The following POLA2 variants were observed in gnomAD, a reference collection of about 807,000 sequenced individuals.
POLA2 encodes DNA polymerase alpha 2, accessory subunit, also known as DNA polymerase alpha subunit B.
POLA2 carries 47 observed loss-of-function variants against 82.8 expected under a neutral mutation model. The ratio of observed to expected loss-of-function variants is 0.57; its 90% CI spans 0.45 to 0.72. The LOEUF (loss-of-function observed/expected upper bound fraction) is 0.72. Among genes scored for constraint, POLA2 ranks in the 30% least tolerant of loss-of-function variants. The pLI is 0.00. For synonymous variants in POLA2, 287 were observed against 286.8 expected (o/e 1.00, Z -0.01); for missense variants, 634 against 728.1 (o/e 0.87, Z 1.49).
chr11:65,305,544 C>T (rs756453663), exon 9 of POLA2: 6 of 381,510 alleles, frequency 1.6e-5, no homozygotes, highest in Middle Eastern at 3.9e-4. Context: ...CACGGTGGTG[C>T]GTGCCTGTAG....
rs530759483 is a variant in POLA2 at position 65,287,991 on chromosome 11, A to G, written c.1131+151A>G. The stretch of plus-strand genomic sequence containing the variant: ...CATCTTTGGAGAGGTATATATATCT[A>G]TGGGCCTTTGCTAGATTTAAAAGCC... On this transcript the variant is annotated intron_variant, in intron 11 of 17. Transcript: ENST00000265465. The G allele has an allele frequency of 1.4e-5, 12 of 863,648 alleles. No homozygotes were observed. The African/African-American group carries it at 2.0e-4, about 15-fold the overall frequency. The allele number at this position is 863,648 out of a possible 1,614,324, so 53.5% of individuals were successfully genotyped here.
intron 5 of POLA2, among the ~76,000 whole-genome samples, 164 bp downstream of exon 5, chr11:65,276,162 T>C (rs1269629984): frequency 6.6e-6 from 1 of 152,210 alleles, no homozygotes; most frequent in Non-Finnish European, 1.5e-5. Context: ...TTCCTTGCTC[T>C]CCTTTTCTTT....
downstream of POLA2, among the ~76,000 whole-genome samples, chr11:65,301,635 T>C (rs908950747): frequency 6.6e-6 from 1 of 151,846 alleles, no homozygotes; most frequent in Admixed American, 6.6e-5. Flanking sequence ...ATCCGCACCA[T>C]GGAGAGGACT....
In POLA2 at chr11:65,266,637, T is replaced by G; in HGVS notation, c.135T>G (p.Leu45=). The part of the protein sequence containing the change: ...GQNEEGMVGE[L]IAFCTSTHKV... The stretch of plus-strand genomic sequence containing the variant: ...ATGAGGAGGGAATGGTAGGCGAGCT[T>G]ATAGCCTTCTGCACCAGCACACATA... Residue 45 remains leucine, a synonymous_variant, in exon 2 of 18, where the codon CTT becomes CTG. Transcript: ENST00000265465. The G allele has an allele frequency of 6.2e-7, 1 of 1,614,048 alleles. No individual in the cohort carries two copies. The highest frequency in any genetic ancestry group is 1.3e-5 in the African/African-American group (1 of 75,044).
chr11:65,285,020 C>T (rs1175515854), intron 10 of POLA2, among the ~76,000 whole-genome samples: 2 of 152,040 alleles, frequency 1.3e-5, no homozygotes, highest in East Asian at 1.9e-4. Flanking sequence ...TTTGGCCGGG[C>T]GTGGTGGCTC....
rs183633640 is a variant in POLA2, at chr11:65,262,380, C to T, written c.79+9C>T. 1.6e-4 allele frequency: 258 copies of T among 1,607,790 alleles called. 1 individual carries two copies. The highest frequency in any genetic ancestry group is 1.6e-3 in the Admixed American group (94 of 59,618). ...GGCTCTAATTGAGAAATGTGAGTCC[C>T]GCACCCCTCCCGCCCTGCAGCCGTG... On this transcript the variant is annotated intron_variant, in intron 1 of 17. Coordinates refer to ENST00000265465, the MANE Select transcript of POLA2 (RefSeq NM_002689.4).
At chr11:65,283,589 C>T (rs552144324) in intron 10 of POLA2, among the ~76,000 whole-genome samples, 2 of 152,144 alleles carry the variant, frequency 1.3e-5, no homozygotes, top group South Asian at 4.2e-4. Flanking sequence ...CCTGCCTCAG[C>T]CTCCTAAGTA....
Position 65,284,400 on chromosome 11 carries a change from T to G in POLA2, c.1006+1879T>G, listed in dbSNP as rs1355458354. ...GCGAGGCTGAAGTAGGAGGATTGCT[T>G]GAGCCCAGGAAGTCAAGGCTGCAGT... is the stretch of plus-strand genomic sequence containing the variant. On this transcript the variant is annotated intron_variant, in intron 10 of 17. Transcript: ENST00000265465. Among the ~76,000 whole-genome samples, 9 of 152,278 alleles carry G rather than the reference T, an allele frequency of 5.9e-5. No homozygotes were observed. In the East Asian group the frequency reaches 1.5e-3, roughly 26 times the overall value.
chr11:65,302,009 G>C (rs1404593375), downstream of POLA2, among the ~76,000 whole-genome samples: 11 of 152,292 alleles, frequency 7.2e-5, no homozygotes, highest in African/African-American at 2.6e-4. Flanking sequence ...GGGGCTCTAG[G>C]CTCCTCCCCA....
rs1402764043 is a variant in POLA2, at chr11:65,289,086, G to A, written c.1168G>A (p.Glu390Lys). 1 of 1,610,416 alleles carries A rather than the reference G, an allele frequency of 6.2e-7. No homozygotes were observed. Residue 390 changes from glutamate (E) to lysine (K), a missense_variant and splice_region_variant, in exon 12 of 18, where the codon GAG becomes AAG. Physicochemically the swap from Glu to Lys is moderately conservative, Grantham distance 56. Transcript: ENST00000265465. ...CCTGGATGCTAAGCATGAACAGGTG[G>A]AGGTGAGTGGGCTGGGGTGGGAAGG... ...PFLDAKHEQV[E>K]NCLLTSPFED... is the part of the protein sequence containing the mutation.
downstream of POLA2, chr11:65,298,736 A>G (rs1949839785): frequency 6.6e-6 from 1 of 152,264 alleles, no homozygotes. Flanking sequence ...TCTGAGGCCA[A>G]GAATTAGAAA....
In POLA2 at chr11:65,295,908, A is replaced by G. The variant is rs1232108979; in HGVS notation, c.1565A>G (p.Tyr522Cys). The part of the protein sequence containing the change: ...YPPQEDMAID[Y>C]ESFYVYAQLP... ...CCCCAAGAAGACATGGCCATTGACT[A>G]TGAGTCGTTCTATGTTTACGCACAG... The change falls in exon 17 of 18, where the codon TAT (tyrosine) becomes TGT (cysteine). Residue 522 changes from tyrosine to cysteine, a missense_variant. Tyr to Cys is a radical substitution (Grantham distance 194, BLOSUM62 -2). Coordinates refer to ENST00000265465, the MANE Select transcript of POLA2 (RefSeq NM_002689.4). 2 of 1,613,918 alleles carry G rather than the reference A, an allele frequency of 1.2e-6. No individual in the cohort carries two copies. The highest frequency in any genetic ancestry group is 1.3e-5 in the African/African-American group (1 of 74,904).
At chr11:65,272,274 A>C (rs1313942379) in intron 4 of POLA2, among the ~76,000 whole-genome samples, 23 of 152,200 alleles carry the variant, frequency 1.5e-4, no homozygotes, top group African/African-American at 4.8e-5. Flanking sequence ...ATGCCATTGC[A>C]CTTCAGCCTG....
intron 4 of POLA2, among the ~76,000 whole-genome samples, chr11:65,275,253 AT>A (rs1949564450): frequency 6.6e-6 from 1 of 150,438 alleles, no homozygotes; most frequent in South Asian, 2.1e-4. Flanking sequence ...CCAGGCAAGG[AT>A]TTTGTTTTCT....
intron 8 of POLA2, among the ~76,000 whole-genome samples, chr11:65,304,140 A>G (rs575446267): frequency 1.8e-4 from 28 of 152,196 alleles, no homozygotes; most frequent in African/African-American, 6.3e-4. Context: ...TCTTCTTGCT[A>G]TCCCCGGCAT....
chr11:65,262,988 A>G (rs1261140384), intron 1 of POLA2, among the ~76,000 whole-genome samples: 1 of 152,142 alleles, frequency 6.6e-6, no homozygotes, highest in Non-Finnish European at 1.5e-5. Flanking sequence ...GTGCTGCATC[A>G]TACGGGTCCA....
chr11:65,280,979 C>T lies in POLA2; in HGVS notation c.745-13C>T, dbSNP rs749875778. 1.9e-6 allele frequency: 3 copies of T among 1,612,788 alleles called. No homozygotes were observed. Among genetic ancestry groups the T allele is most frequent in the Non-Finnish European group, 2.5e-6 (3 of 1,179,544 alleles). On this transcript the variant is annotated splice_polypyrimidine_tract_variant and intron_variant, in intron 7 of 17. Coordinates refer to ENST00000265465, the MANE Select transcript of POLA2 (RefSeq NM_002689.4). Reference sequence around the variant, plus strand: ...AAGACTGTCATTCTTATGCTGTGACCTTCCTTTGGTAGGAGCCTGTCACTC... The same window carrying T: ...AAGACTGTCATTCTTATGCTGTGACTTTCCTTTGGTAGGAGCCTGTCACTC...
chr11:65,294,852 C>A, intron 15 of POLA2, 200 bp downstream of exon 15: 1 of 449,722 alleles, frequency 2.2e-6, no homozygotes, highest in South Asian at 4.7e-5. Flanking sequence ...CTGTTACCAC[C>A]TCTCTAAACT....
chr11:65,264,131 A>C (rs1949432485), intron 1 of POLA2, among the ~76,000 whole-genome samples: 1 of 151,948 alleles, frequency 6.6e-6, no homozygotes, highest in Non-Finnish European at 1.5e-5. Flanking sequence ...GCAATGGTGC[A>C]ATCTTGGCTC....
Sources: gnomAD v4.1 joint callset for allele counts (sites outside exome capture counted in the v4.1 genomes callset) on GRCh38, gnomAD v4.1.1 for gene constraint, MANE v1.5 for transcripts, NCBI Gene and HGNC (gene_info 2026-07-23, HGNC 2026-07-21) for gene names.